BRDT: variants seen among roughly 807,000 people sequenced by gnomAD.
BRDT encodes bromodomain testis associated.
BRDT carries 77 observed loss-of-function variants against 113.9 expected under a neutral mutation model. That is an observed-to-expected ratio of 0.68 (90% CI 0.56 to 0.82). The LOEUF is 0.82. BRDT is among the 40% of genes least tolerant of loss of function. The pLI, the probability that BRDT is intolerant of heterozygous loss-of-function variation, is 0.00. For missense variants in BRDT, 1,027 were observed against 1,105.4 expected (o/e 0.93, Z 1.01); for synonymous variants, 358 against 366.5 (o/e 0.98, Z 0.26).
At chr1:91,990,707 A>G (rs552553019) in intron 12 of BRDT, among the ~76,000 whole-genome samples, 1 of 152,176 alleles carries the variant, frequency 6.6e-6, no homozygotes, top group African/African-American at 2.4e-5. Context: ...TCCCTTTAGA[A>G]ATTTTAGCTG....
intron 1 of BRDT, among the ~76,000 whole-genome samples, chr1:91,959,903 C>G (rs1481926045): frequency 2.0e-5 from 3 of 152,216 alleles, no homozygotes; most frequent in Admixed American, 2.0e-4. Flanking sequence ...GGCCGCACAT[C>G]AGAAGTAACA....
At chr1:91,987,020 C>T (rs1354714595) in intron 12 of BRDT, among the ~76,000 whole-genome samples, 1 of 151,340 alleles carries the variant, frequency 6.6e-6, no homozygotes, top group Non-Finnish European at 1.5e-5. Context: ...TAACTGCAAA[C>T]TCTGCCTCCT....
intron 18 of BRDT, among the ~76,000 whole-genome samples, chr1:92,010,267 A>ATTTTTTTTTTTTT (rs373305680): frequency 4.9e-5 from 5 of 101,054 alleles, no homozygotes; most frequent in Middle Eastern, 8.3e-3. Context: ...TGCTCTTTTA[A>ATTTTTTTTTTTTT]TTTTTTTTTT....
rs1684752875 is a variant in BRDT, at chr1:91,981,714, G to GC, written c.1962dup (p.Ser655GlnfsTer2). ...AGCTCATCAGAGTCTGAAAGTAGCA[G>GC]CAGTGACTTAAGCTCTTCAGACAGC... On this transcript the variant is annotated frameshift_variant, in exon 12 of 19. Transcript: ENST00000399546. LOFTEE classifies it high-confidence loss of function. 1 of 1,614,158 alleles carries GC rather than the reference G, an allele frequency of 6.2e-7. No individual in the cohort carries two copies. Among genetic ancestry groups the GC allele is most frequent in the Non-Finnish European group, 8.5e-7 (1 of 1,180,016 alleles).
intron 1 of BRDT, among the ~76,000 whole-genome samples, chr1:91,952,992 T>A (rs1162464681): frequency 6.6e-6 from 1 of 152,188 alleles, no homozygotes; most frequent in Non-Finnish European, 1.5e-5. Context: ...AGGGTACATG[T>A]GCACAACGTG....
intron 1 of BRDT, among the ~76,000 whole-genome samples, chr1:91,957,832 T>G (rs1367455024): frequency 6.6e-6 from 1 of 152,068 alleles, no homozygotes; most frequent in Non-Finnish European, 1.5e-5. Context: ...TTTGTGTTTT[T>G]TTGTTGTTTT....
At chr1:91,965,484 TG>T (rs1682965794) in intron 3 of BRDT, among the ~76,000 whole-genome samples, 1 of 152,300 alleles carries the variant, frequency 6.6e-6, no homozygotes, top group East Asian at 1.9e-4. Context: ...TTTCACAGTA[TG>T]GACCCCTGGC....
Position 91,962,727 on chromosome 1 carries a change from T to C in BRDT, c.-28T>C. Reference sequence around the variant, plus strand: ...AGTTTTTGTTTTTCAGGACATGTACTTGTAGACAGGATTCAAAGCAGTTAA... The same window carrying C: ...AGTTTTTGTTTTTCAGGACATGTACCTGTAGACAGGATTCAAAGCAGTTAA... On this transcript the variant is annotated 5_prime_UTR_variant, in exon 2 of 19. Coordinates refer to ENST00000399546, the MANE Select transcript of BRDT (RefSeq NM_207189.4). The C allele has an allele frequency of 6.5e-7, 1 of 1,541,712 alleles. No homozygotes were observed. Among genetic ancestry groups the C allele is most frequent in the South Asian group, 1.3e-5 (1 of 77,242 alleles).
At chr1:92,014,181 T>C in intron 18 of BRDT, 25 bp from the exon 19 acceptor site, 2 of 1,516,046 alleles carry the variant, frequency 1.3e-6, no homozygotes, top group Non-Finnish European at 1.8e-6. Context: ...TAAAGTAATA[T>C]TAAAATTTTC....
intron 15 of BRDT, among the ~76,000 whole-genome samples, chr1:92,000,958 T>C (rs1570627180): frequency 1.3e-5 from 2 of 152,214 alleles, no homozygotes; most frequent in African/African-American, 4.8e-5. Context: ...AACTTAAGAA[T>C]TAATGAAATT....
In BRDT at chr1:91,984,698, C is replaced by T. The variant is rs545923663; in HGVS notation, c.2002+2943C>T. Reference sequence around the variant, plus strand: ...TCGCCCAGGCTACAGTGCAGTGGCACTATCACGGCTCACTCCTCTGCCTCC... The same window carrying T: ...TCGCCCAGGCTACAGTGCAGTGGCATTATCACGGCTCACTCCTCTGCCTCC... On this transcript the variant is annotated intron_variant, in intron 12 of 18. Transcript: ENST00000399546. Among the ~76,000 whole-genome samples, 6 of 152,272 alleles carry T rather than the reference C, an allele frequency of 3.9e-5. No homozygotes were observed. The East Asian group carries it at 9.7e-4, about 25-fold the overall frequency.
chr1:91,954,104 TG>T (rs1005914247), intron 1 of BRDT, among the ~76,000 whole-genome samples: 43 of 152,156 alleles, frequency 2.8e-4, no homozygotes, highest in Middle Eastern at 6.8e-3. Context: ...CCCAAGTAGC[TG>T]GGACTACAGG....
intron 12 of BRDT, among the ~76,000 whole-genome samples, chr1:91,985,884 C>G (rs1037448984): frequency 9.9e-5 from 15 of 151,924 alleles, no homozygotes; most frequent in Non-Finnish European, 1.9e-4. Flanking sequence ...GTGATCCGCC[C>G]GCCTCGGCCT....
rs1214578277 is a variant in BRDT, at chr1:91,962,963, CTA to C, written c.192+19_192+20del. The C allele has an allele frequency of 6.7e-7, 1 of 1,501,268 alleles. No individual in the cohort carries two copies. The highest frequency in any genetic ancestry group is 8.9e-7 in the Non-Finnish European group (1 of 1,122,946). The allele number at this position is 1,501,268 out of a possible 1,614,324, so 93.0% of individuals were successfully genotyped here. A position where few individuals can be genotyped will look rare whatever the true frequency, so the allele number is the denominator to read the frequency against. On this transcript the variant is annotated intron_variant, in intron 2 of 18. Coordinates refer to ENST00000399546, the MANE Select transcript of BRDT (RefSeq NM_207189.4). The stretch of plus-strand genomic sequence containing the variant: ...CAGTTGCCTGTATGTATGTCTTCAA[CTA>C]TGTTAGTTTCAAAAAAAGAAAACTC...
chr1:91,981,068 C>A lies in BRDT; in HGVS notation c.1640C>A (p.Ser547Tyr). Residue 547 changes from serine to tyrosine, a missense_variant, in exon 10 of 19, where the codon TCC becomes TAC. Ser to Tyr is a moderately radical substitution (Grantham distance 144). Coordinates refer to ENST00000399546, the MANE Select transcript of BRDT (RefSeq NM_207189.4). ...TCAAGAGAGCCTTCTCTGAGCAATT[C>A]CAATCCTGATGAGATAGAGATAGAC... ...IQSREPSLSN[S>Y]NPDEIEIDFE... 4 of 1,614,088 alleles carry A rather than the reference C, an allele frequency of 2.5e-6. No homozygotes were observed. The highest frequency in any genetic ancestry group is 3.4e-6 in the Non-Finnish European group (4 of 1,179,986).
chr1:91,958,026 G>A (rs572038535), intron 1 of BRDT, among the ~76,000 whole-genome samples: 77 of 152,102 alleles, frequency 5.1e-4, no homozygotes, highest in Non-Finnish European at 8.1e-4. Flanking sequence ...TTTTATCAGA[G>A]ACAGGGAAGT....
chr1:91,956,042 C>G (rs1461438495), intron 1 of BRDT, among the ~76,000 whole-genome samples: 3 of 152,204 alleles, frequency 2.0e-5, no homozygotes, highest in Non-Finnish European at 2.9e-5. Flanking sequence ...TCTATATAGC[C>G]TTCCCACAGG....
chr1:92,008,643 AG>A (rs1687544308), intron 18 of BRDT, among the ~76,000 whole-genome samples: 1 of 152,182 alleles, frequency 6.6e-6, no homozygotes, highest in Admixed American at 6.5e-5. Context: ...CTGCCCTGAA[AG>A]TCTCCTGTGG....
Position 91,979,702 on chromosome 1 carries a change from C to T in BRDT, c.1232C>T (p.Ser411Phe), listed in dbSNP as rs1256168899. 1.2e-6 allele frequency: 2 copies of T among 1,613,408 alleles called. No homozygotes were observed. Residue 411 changes from serine to phenylalanine, a missense_variant, in exon 8 of 19, where the codon TCT (serine) becomes TTT (phenylalanine). Ser to Phe is a radical substitution (Grantham distance 155). Transcript: ENST00000399546. ...NTNEASSEGNSSDDSEDERVK... is the reference protein window; with the variant it reads ...NTNEASSEGNFSDDSEDERVK... Reference sequence around the variant, plus strand: ...AATGAAGCCTCCTCTGAAGGGAACTCTTCTGATGATTCTGAAGATGAGCGA... The same window carrying T: ...AATGAAGCCTCCTCTGAAGGGAACTTTTCTGATGATTCTGAAGATGAGCGA...
Sources: allele counts gnomAD v4.1 joint callset (sites outside exome capture counted in the v4.1 genomes callset), GRCh38; gene constraint gnomAD v4.1.1; transcripts MANE v1.5; gene names NCBI Gene and HGNC (gene_info 2026-07-23, HGNC 2026-07-21).